Variants in ANKAR observed in about 807,000 individuals in gnomAD.
ANKAR encodes ankyrin and armadillo repeat containing.
In ANKAR, 136 loss-of-function variants were observed where a neutral mutation model predicts 146.2. The observed-to-expected ratio is 0.93, with a 90% CI of 0.81 to 1.07. The LOEUF (loss-of-function observed/expected upper bound fraction) is 1.07. Ranked by LOEUF, ANKAR falls within the 50% of genes least tolerant of loss-of-function variation. The pLI, the probability that ANKAR is intolerant of heterozygous loss-of-function variation, is 0.00. For missense variants in ANKAR, 1,567 were observed against 1,679.9 expected, an observed-to-expected ratio of 0.93 and a Z score of 1.18; for synonymous variants, 500 against 575.8, an observed-to-expected ratio of 0.87 and a Z score of 1.88.
chr2:189,738,864 C>T (rs2043082810), intron 19 of ANKAR, among the ~76,000 whole-genome samples, 182 bp downstream of exon 19: 2 of 152,312 alleles, frequency 1.3e-5, no homozygotes, highest in Non-Finnish European at 1.5e-5. Flanking sequence ...GGTGTCTACT[C>T]TGTACCCCAA....
At position 189,705,138 on chromosome 2, in the gene ANKAR, C is replaced by T; in HGVS notation, c.1824C>T (p.His608=). ...LSEKRGWMPI[H]FAAFYDNVCI... Reference sequence around the variant, plus strand: ...AAAAAAGAGGCTGGATGCCGATTCACTTTGCCGCTTTCTATGACAACGTTT... The same window carrying T: ...AAAAAAGAGGCTGGATGCCGATTCATTTTGCCGCTTTCTATGACAACGTTT... Residue 608 remains histidine (H), a synonymous_variant, in exon 8 of 23, where the codon CAC becomes CAT. Coordinates refer to ENST00000684021, the MANE Select transcript of ANKAR (RefSeq NM_001378068.1). 6.2e-7 allele frequency: 1 copy of T among 1,614,164 alleles called. No individual in the cohort carries two copies. The highest frequency in any genetic ancestry group is 2.2e-5 in the East Asian group (1 of 44,878).
downstream of ANKAR, chr2:189,746,832 A>C: frequency 2.1e-6 from 1 of 483,534 alleles, no homozygotes; most frequent in South Asian, 3.6e-5. Context: ...GGATTTCTGT[A>C]AACAAAGGCC....
chr2:189,742,975 CA>C (rs1559148061), intron 20 of ANKAR, among the ~76,000 whole-genome samples: 15 of 122,368 alleles, frequency 1.2e-4, no homozygotes, highest in East Asian at 5.0e-4. Flanking sequence ...CACACACACA[CA>C]CACACCCCTG....
chr2:189,703,122 G>C lies in ANKAR; in HGVS notation c.1709-1901G>C, dbSNP rs192814612. On this transcript the variant is annotated intron_variant, in intron 7 of 22. Coordinates refer to ENST00000684021, the MANE Select transcript of ANKAR (RefSeq NM_001378068.1). Reference sequence around the variant, plus strand: ...TGAATGGTTTTATTGGGAGGTAGATGAAGAAGGTAGTTGTAGCTGGTGCTT... The same window carrying C: ...TGAATGGTTTTATTGGGAGGTAGATCAAGAAGGTAGTTGTAGCTGGTGCTT... 2.3e-3 allele frequency among the ~76,000 whole-genome samples: 353 copies of C among 152,322 alleles called. 2 individuals carry two copies. The highest frequency in any genetic ancestry group is 0.01 in the Middle Eastern group (3 of 294).
intron 2 of ANKAR, among the ~76,000 whole-genome samples, chr2:189,679,775 T>G (rs116713307): frequency 0.023 from 3,477 of 152,316 alleles, 133 homozygotes; most frequent in African/African-American, 0.08. Context: ...TTGCATATGT[T>G]AAACCATCCC....
Position 189,705,167 on chromosome 2 carries a change from T to A in ANKAR, c.1853T>A (p.Ile618Asn), listed in dbSNP as rs1439047253. Residue 618 changes from isoleucine (I) to asparagine (N), a missense_variant, in exon 8 of 23, where the codon ATC becomes AAC. Transcript: ENST00000684021. ...GCCGCTTTCTATGACAACGTTTGCA[T>A]CATTATTGCTCTCTGTAGGAAGGAT... is the stretch of plus-strand genomic sequence containing the variant. ...HFAAFYDNVC[I>N]IIALCRKDPS... is the part of the protein sequence containing the mutation. 2 of 1,614,064 alleles carry A rather than the reference T, an allele frequency of 1.2e-6. No individual in the cohort carries two copies. The highest frequency in any genetic ancestry group is 1.7e-6 in the Non-Finnish European group (2 of 1,180,042).
Position 189,741,339 on chromosome 2 carries a change from T to C in ANKAR, c.3701-3T>C, listed in dbSNP as rs768289554. The stretch of plus-strand genomic sequence containing the variant: ...ACAAGCATTTTTCTTGTTTAATTTA[T>C]AGGGAATTTAATAGCAAGCCTGGCT... On this transcript the variant is annotated splice_polypyrimidine_tract_variant and splice_region_variant and intron_variant, in intron 19 of 22. Transcript: ENST00000684021. The C allele has an allele frequency of 4.4e-6, 7 of 1,582,048 alleles. No individual in the cohort carries two copies. In the Admixed American group the frequency reaches 5.6e-5, roughly 13 times the overall value.
Position 189,746,524 on chromosome 2 carries a change from C to T in ANKAR, c.4202C>T (p.Thr1401Ile), listed in dbSNP as rs1366675991. 2 of 1,613,812 alleles carry T rather than the reference C, an allele frequency of 1.2e-6. No individual in the cohort carries two copies. The highest frequency in any genetic ancestry group is 1.7e-6 in the Non-Finnish European group (2 of 1,179,858). The stretch of plus-strand genomic sequence containing the variant: ...CATAATATTTTTTCTTTTTCATCTA[C>T]AATTACATCAGATATCACAAATGTA... Reference protein sequence around the residue: ...DSHNIFSFSSTITSDITNVSR... With the variant: ...DSHNIFSFSSIITSDITNVSR... Residue 1401 changes from threonine (T) to isoleucine (I), a missense_variant, in exon 23 of 23, where the codon ACA becomes ATA. Physicochemically the swap from Thr to Ile is moderately conservative, Grantham distance 89. Coordinates refer to ENST00000684021, the MANE Select transcript of ANKAR (RefSeq NM_001378068.1).
chr2:189,744,756 G>C lies in ANKAR; in HGVS notation c.4025G>C (p.Gly1342Ala), dbSNP rs1415943132. ...TTTCCTTTTAGTCTGGAGAAGAATG[G>C]AGGACCATCCATAATTCCTATCTTT... ...GLPSLSLEKNGGPSIIPIFKR... is the reference protein window; with the variant it reads ...GLPSLSLEKNAGPSIIPIFKR... The change falls in exon 22 of 23, where the codon GGA (glycine) becomes GCA (alanine). Residue 1342 changes from glycine (G) to alanine (A), a missense_variant. Transcript: ENST00000684021. 6.3e-7 allele frequency: 1 copy of C among 1,596,456 alleles called. No individual in the cohort carries two copies. The highest frequency in any genetic ancestry group is 8.6e-7 in the Non-Finnish European group (1 of 1,166,280).
In ANKAR at chr2:189,728,250, A is replaced by G. The variant is rs774035683; in HGVS notation, c.2878-17A>G. The G allele has an allele frequency of 1.3e-6, 2 of 1,577,562 alleles. No individual in the cohort carries two copies. The highest frequency in any genetic ancestry group is 1.7e-6 in the Non-Finnish European group (2 of 1,167,246). ...CAATAAATGTTCACTGAATTAATGA[A>G]ATATTTTTAAAAATAGGCATTTCAA... On this transcript the variant is annotated splice_polypyrimidine_tract_variant and intron_variant, in intron 13 of 22. Transcript: ENST00000684021.
At chr2:189,757,494 A>T (rs1187208148) in intron 18 of ANKAR, among the ~76,000 whole-genome samples, 1 of 152,260 alleles carries the variant, frequency 6.6e-6, no homozygotes, top group African/African-American at 2.4e-5. Context: ...CTATTCAAGA[A>T]GAATGCCCTA....
intron 8 of ANKAR, among the ~76,000 whole-genome samples, chr2:189,705,864 G>A (rs746892309): frequency 3.3e-5 from 5 of 152,026 alleles, no homozygotes; most frequent in Admixed American, 6.5e-5. Flanking sequence ...GAAATCTAAA[G>A]GCCAGGTCAT....
intron 12 of ANKAR, among the ~76,000 whole-genome samples, chr2:189,723,643 CTT>C (rs2041555033): frequency 6.6e-6 from 1 of 152,052 alleles, no homozygotes. Flanking sequence ...AATCTGAAAA[CTT>C]TGGAATTATG....
Position 189,738,693 on chromosome 2 carries a change from A to G in ANKAR, c.3700+11A>G. ...CTATTGTCTTGACAGGTAAGAAATG[A>G]CTAGAAGTTAATTTTAGCCACATAA... On this transcript the variant is annotated intron_variant, in intron 19 of 22. Coordinates refer to ENST00000684021, the MANE Select transcript of ANKAR (RefSeq NM_001378068.1). The G allele has an allele frequency of 6.7e-7, 1 of 1,498,198 alleles. No individual in the cohort carries two copies. Among genetic ancestry groups the G allele is most frequent in the Non-Finnish European group, 9.2e-7 (1 of 1,091,834 alleles). 92.8% of individuals were successfully genotyped at this position (1,498,198 alleles called of 1,614,324 possible). A position where few individuals can be genotyped will look rare whatever the true frequency, so the allele number is the denominator to read the frequency against.
intron 5 of ANKAR, among the ~76,000 whole-genome samples, chr2:189,693,604 C>T (rs2036756643): frequency 6.6e-6 from 1 of 152,068 alleles, no homozygotes; most frequent in African/African-American, 2.4e-5. Flanking sequence ...CTTGTTGGTT[C>T]GTTTGTTTGC....
intron 17 of ANKAR, among the ~76,000 whole-genome samples, chr2:189,733,951 A>G (rs903854247): frequency 6.6e-6 from 1 of 151,858 alleles, no homozygotes; most frequent in African/African-American, 2.4e-5. Context: ...TCATGATTTC[A>G]TGTCTTTCAT....
intron 7 of ANKAR, among the ~76,000 whole-genome samples, chr2:189,704,557 A>ATATATATATATATAT (rs2038592597): frequency 1.7e-5 from 1 of 58,158 alleles, no homozygotes; most frequent in African/African-American, 9.1e-5. Context: ...ATATATATAT[A>ATATATATATATATAT]TATATATATA....
At chr2:189,676,211 T>G (rs900933473) in intron 1 of ANKAR, among the ~76,000 whole-genome samples, 1 of 152,238 alleles carries the variant, frequency 6.6e-6, no homozygotes, top group Non-Finnish European at 1.5e-5. Context: ...GACATACATC[T>G]TCTTGTCTTT....
At chr2:189,692,800 T>G (rs2105813520) in intron 4 of ANKAR, 1 of 258,936 alleles carries the variant, frequency 3.9e-6, no homozygotes, top group Non-Finnish European at 7.2e-6. Context: ...CTTTAAAATT[T>G]TGGAACAGTA....
Sources: allele counts gnomAD v4.1 joint callset (sites outside exome capture counted in the v4.1 genomes callset), GRCh38; gene constraint gnomAD v4.1.1; transcripts MANE v1.5; gene names NCBI Gene and HGNC (gene_info 2026-07-23, HGNC 2026-07-21).